The following DRC8 variants were observed in gnomAD, a reference collection of about 807,000 sequenced individuals.
DRC8 encodes the protein dynein regulatory complex subunit 8.
the DRC8 span, among the ~76,000 whole-genome samples, chr1:244,991,761 T>C: frequency 6.6e-6 from 1 of 152,246 alleles, no homozygotes; most frequent in African/African-American, 2.4e-5. Context: ...TCTTGATATT[T>C]ATTTAAAATC....
At chr1:244,977,195 G>A in the DRC8 span, among the ~76,000 whole-genome samples, 1 of 152,288 alleles carries the variant, frequency 6.6e-6, no homozygotes, top group African/African-American at 2.4e-5. Flanking sequence ...GATGAAGGAA[G>A]TTCTGGAGAT....
the DRC8 span, among the ~76,000 whole-genome samples, chr1:245,077,105 C>G: frequency 6.6e-6 from 1 of 151,888 alleles, no homozygotes; most frequent in African/African-American, 2.4e-5. Flanking sequence ...AAGTCTTTGG[C>G]TAAAAATATG....
the DRC8 span, chr1:245,083,322 G>A: frequency 1.2e-6 from 1 of 866,060 alleles, no homozygotes; most frequent in Non-Finnish European, 1.9e-6. Flanking sequence ...CCTGGTCTGT[G>A]GAAGAATTGT....
the DRC8 span, chr1:245,087,911 G>A: frequency 1.9e-6 from 1 of 519,852 alleles, no homozygotes; most frequent in Admixed American, 6.4e-5. Flanking sequence ...TATATTTGCT[G>A]ATCCAGCATG....
At chr1:244,974,293 C>T in the DRC8 span, among the ~76,000 whole-genome samples, 20 of 152,254 alleles carry the variant, frequency 1.3e-4, no homozygotes, top group African/African-American at 3.8e-4. Context: ...ATTAGACTCA[C>T]GTCTAGGAAA....
the DRC8 span, among the ~76,000 whole-genome samples, chr1:245,110,796 A>AAAT: frequency 6.6e-6 from 1 of 152,244 alleles, no homozygotes; most frequent in Non-Finnish European, 1.5e-5. Flanking sequence ...AGAAGGCATT[A>AAAT]AGAGGAAATG....
chr1:245,015,151 T>G, the DRC8 span, among the ~76,000 whole-genome samples: 1 of 152,202 alleles, frequency 6.6e-6, no homozygotes, highest in Non-Finnish European at 1.5e-5. Context: ...AAGGTCTGGT[T>G]CTGTCGCCAG....
At chr1:245,018,129 A>C in the DRC8 span, among the ~76,000 whole-genome samples, 1 of 149,366 alleles carries the variant, frequency 6.7e-6, no homozygotes, top group Admixed American at 6.7e-5. Context: ...TTGGAGGCTG[A>C]GGCAGAAGAA....
At chr1:245,059,374 T>C in the DRC8 span, 4 of 1,603,118 alleles carry the variant, frequency 2.5e-6, no homozygotes, top group Non-Finnish European at 3.4e-6. Flanking sequence ...TTGAAAACTT[T>C]TTTTTTTCCA....
chr1:244,998,575 ATTGG>A, the DRC8 span, among the ~76,000 whole-genome samples: 1 of 152,082 alleles, frequency 6.6e-6, no homozygotes, highest in Non-Finnish European at 1.5e-5. Context: ...CCTTCCCCCA[ATTGG>A]CTTATCAGTC....
chr1:245,065,073 C>CTTTTTTTTTTTTTTTTTTTTTTT, the DRC8 span, among the ~76,000 whole-genome samples: 10 of 81,566 alleles, frequency 1.2e-4, no homozygotes, highest in African/African-American at 2.1e-4. Context: ...TAACATTCTT[C>CTTTTTTTTTTTTTTTTTTTTTTT]TTTTTTTTTT....
the DRC8 span, among the ~76,000 whole-genome samples, chr1:245,066,186 T>C: frequency 6.6e-6 from 1 of 152,232 alleles, no homozygotes; most frequent in African/African-American, 2.4e-5. Context: ...TTTTAACAAA[T>C]GTTTCTTTAC....
At chr1:245,084,206 C>T in the DRC8 span, among the ~76,000 whole-genome samples, 9 of 151,724 alleles carry the variant, frequency 5.9e-5, no homozygotes, top group Non-Finnish European at 1.3e-4. Flanking sequence ...CTCAGCCTCC[C>T]GAGTAGCTGG....
chr1:245,096,724 G>A, the DRC8 span, among the ~76,000 whole-genome samples: 1 of 152,272 alleles, frequency 6.6e-6, no homozygotes, highest in Non-Finnish European at 1.5e-5. Context: ...TGGCAATTCT[G>A]CTGCCAATAC....
the DRC8 span, among the ~76,000 whole-genome samples, chr1:245,020,354 G>A: frequency 2.0e-5 from 3 of 152,090 alleles, no homozygotes; most frequent in East Asian, 1.9e-4. Context: ...CCACCTCTGA[G>A]GGGCAGTCCT....
At chr1:245,033,966 C>T in the DRC8 span, among the ~76,000 whole-genome samples, 1 of 152,142 alleles carries the variant, frequency 6.6e-6, no homozygotes, top group Non-Finnish European at 1.5e-5. Flanking sequence ...AATGACCCAC[C>T]TGCCTCAGCC....
At chr1:245,092,391 A>G in the DRC8 span, among the ~76,000 whole-genome samples, 6 of 152,168 alleles carry the variant, frequency 3.9e-5, no homozygotes, top group African/African-American at 1.2e-4. Flanking sequence ...GCTTTTCTAA[A>G]TCCTTCCATG....
the DRC8 span, chr1:245,125,084 C>G: frequency 6.6e-6 from 1 of 152,260 alleles, no homozygotes; most frequent in Non-Finnish European, 1.5e-5. Flanking sequence ...CACACCACTT[C>G]GTTCCACTGT....
At chr1:244,998,694 G>C in the DRC8 span, among the ~76,000 whole-genome samples, 2 of 152,190 alleles carry the variant, frequency 1.3e-5, no homozygotes, top group African/African-American at 4.8e-5. Context: ...TGGAGAACCA[G>C]CTTGGAAAAT....
Sources: allele counts gnomAD v4.1 joint callset (sites outside exome capture counted in the v4.1 genomes callset), GRCh38; gene constraint gnomAD v4.1.1; transcripts MANE v1.5; gene names NCBI Gene and HGNC (gene_info 2026-07-23, HGNC 2026-07-21).